RGS17: variants seen among roughly 807,000 people sequenced by gnomAD.
RGS17 encodes regulator of G-protein signaling 17.
In RGS17, 12 loss-of-function variants were observed where a neutral mutation model predicts 25.5. The observed-to-expected ratio is 0.47, with a 90% CI of 0.30 to 0.76. RGS17 has a LOEUF of 0.76. Ranked by LOEUF, RGS17 falls within the 30% of genes least tolerant of loss-of-function variation. The pLI is 0.07. For missense variants in RGS17, 196 were observed against 242.2 expected (o/e 0.81, Z 1.27); for synonymous variants, 71 against 76.9 (o/e 0.92, Z 0.40).
At chr6:153,069,469 G>C (rs1347563470) in intron 1 of RGS17, among the ~76,000 whole-genome samples, 10 of 152,072 alleles carry the variant, frequency 6.6e-5, no homozygotes, top group Non-Finnish European at 4.4e-5. Flanking sequence ...GTATTGGGGT[G>C]TGGGGTGGGA....
intron 1 of RGS17, among the ~76,000 whole-genome samples, chr6:153,068,754 A>G (rs1776743794): frequency 6.6e-6 from 1 of 152,254 alleles, no homozygotes; most frequent in African/African-American, 2.4e-5. Context: ...ACAAATTCAT[A>G]GGACAAAATA....
chr6:153,022,387 A>G (rs2129106741), intron 4 of RGS17, among the ~76,000 whole-genome samples: 1 of 152,376 alleles, frequency 6.6e-6, no homozygotes, highest in Admixed American at 6.5e-5. Flanking sequence ...GTGGATAATA[A>G]GAAAATGTTT....
intron 1 of RGS17, among the ~76,000 whole-genome samples, chr6:153,083,067 T>C (rs1338842403): frequency 1.3e-5 from 2 of 152,172 alleles, no homozygotes; most frequent in East Asian, 1.9e-4. Context: ...CTTGGCTTTG[T>C]AGAATTTCAC....
chr6:153,047,306 A>C (rs1776397675), intron 1 of RGS17, among the ~76,000 whole-genome samples: 1 of 152,194 alleles, frequency 6.6e-6, no homozygotes, highest in Non-Finnish European at 1.5e-5. Context: ...CTAAAATAAA[A>C]GTCTATGTTT....
intron 1 of RGS17, among the ~76,000 whole-genome samples, chr6:153,044,374 CT>C (rs946546749): frequency 2.0e-5 from 3 of 151,978 alleles, no homozygotes; most frequent in Admixed American, 2.0e-4. Flanking sequence ...TTAAATCTGC[CT>C]TTTTTATGGA....
chr6:153,048,977 A>G (rs12196145), intron 1 of RGS17, among the ~76,000 whole-genome samples: 11,239 of 152,276 alleles, frequency 0.074, 448 homozygotes, highest in African/African-American at 0.082. Flanking sequence ...ATATTTGTAG[A>G]ATGGTGAATT....
At chr6:153,111,303 A>G (rs376226998) in intron 1 of RGS17, among the ~76,000 whole-genome samples, 453 of 152,238 alleles carry the variant, frequency 3.0e-3, no homozygotes, top group Non-Finnish European at 4.3e-3. Flanking sequence ...TTTTCCCCTC[A>G]CAGTCTAAAC....
At chr6:153,082,663 T>A (rs1324010672) in intron 1 of RGS17, among the ~76,000 whole-genome samples, 1 of 152,222 alleles carries the variant, frequency 6.6e-6, no homozygotes, top group Non-Finnish European at 1.5e-5. Context: ...CTTTTAAAAT[T>A]CTGTTTCTCT....
intron 1 of RGS17, among the ~76,000 whole-genome samples, chr6:153,117,966 G>C (rs1455922294): frequency 6.6e-6 from 1 of 152,220 alleles, no homozygotes; most frequent in Non-Finnish European, 1.5e-5. Context: ...TATGAGGAGG[G>C]ATGAAGAAGG....
At chr6:153,088,107 C>T (rs1468586398) in intron 1 of RGS17, among the ~76,000 whole-genome samples, 2 of 152,192 alleles carry the variant, frequency 1.3e-5, no homozygotes, top group Non-Finnish European at 2.9e-5. Context: ...AGAGGACCAA[C>T]AATCAGGGTG....
chr6:153,071,146 GT>G (rs201503051), intron 1 of RGS17, among the ~76,000 whole-genome samples: 5,056 of 149,296 alleles, frequency 0.034, 129 homozygotes, highest in Non-Finnish European at 0.048. Context: ...ATGTACATAT[GT>G]GTATATGTAC....
At chr6:153,056,273 A>T (rs770545147) in intron 1 of RGS17, among the ~76,000 whole-genome samples, 13 of 152,220 alleles carry the variant, frequency 8.5e-5, no homozygotes, top group Non-Finnish European at 1.8e-4. Context: ...GTCTCATAAG[A>T]ACACTACTTT....
rs1377701130 is a variant in RGS17 at position 153,046,568 on chromosome 6, CAT to C, written c.-25-2527_-25-2526del. Among the ~76,000 whole-genome samples, 5 of 151,722 alleles carry C rather than the reference CAT, an allele frequency of 3.3e-5. No homozygotes were observed. The East Asian group carries it at 9.7e-4, about 29-fold the overall frequency. ...TTGGCAAATATGAAATAAGAAAAGA[CAT>C]AACGGGAATGTAAAAACAAACACAA... is the stretch of plus-strand genomic sequence containing the variant. On this transcript the variant is annotated intron_variant, in intron 1 of 4. Coordinates refer to ENST00000206262, the MANE Select transcript of RGS17 (RefSeq NM_012419.5).
At chr6:153,013,089 C>T (rs781679500) in intron 4 of RGS17, among the ~76,000 whole-genome samples, 14 of 152,160 alleles carry the variant, frequency 9.2e-5, no homozygotes, top group African/African-American at 2.7e-4. Context: ...GCAGATACTG[C>T]GTTTGTTACA....
At chr6:153,108,283 T>C (rs1722150708) in intron 1 of RGS17, among the ~76,000 whole-genome samples, 1 of 152,222 alleles carries the variant, frequency 6.6e-6, no homozygotes, top group African/African-American at 2.4e-5. Context: ...TCCTTTAGGT[T>C]TTCTATCTCC....
chr6:153,117,278 AAAACC>A (rs1183232186), intron 1 of RGS17, among the ~76,000 whole-genome samples: 2 of 152,096 alleles, frequency 1.3e-5, no homozygotes, highest in African/African-American at 4.8e-5. Context: ...AGCCTCTTAT[AAAACC>A]ATTAGCTCTT....
At chr6:153,080,839 T>C (rs1048836055) in intron 1 of RGS17, among the ~76,000 whole-genome samples, 1 of 141,496 alleles carries the variant, frequency 7.1e-6, no homozygotes, top group Non-Finnish European at 1.6e-5. Flanking sequence ...ATTTCTCCTG[T>C]TTTTTTTTTA....
At chr6:153,017,186 C>A (rs1345315611) in intron 4 of RGS17, among the ~76,000 whole-genome samples, 1 of 152,110 alleles carries the variant, frequency 6.6e-6, no homozygotes, top group African/African-American at 2.4e-5. Flanking sequence ...ATAGGTTTGA[C>A]CGCATTTAAC....
At chr6:153,107,986 G>A (rs1372577862) in intron 1 of RGS17, among the ~76,000 whole-genome samples, 5 of 152,172 alleles carry the variant, frequency 3.3e-5, no homozygotes, top group Non-Finnish European at 7.3e-5. Flanking sequence ...AGCTCAGATT[G>A]CTCCAAATGA....
Sources: allele counts gnomAD v4.1 joint callset (sites outside exome capture counted in the v4.1 genomes callset), GRCh38; gene constraint gnomAD v4.1.1; transcripts MANE v1.5; gene names NCBI Gene and HGNC (gene_info 2026-07-23, HGNC 2026-07-21).